The following ZNF672 variants were observed in gnomAD, a reference collection of about 807,000 sequenced individuals.
The protein encoded by ZNF672 is hypothetical protein FLJ22301.
For synonymous variants in ZNF672, 358 were observed against 305.6 expected, an observed-to-expected ratio of 1.17 and a Z score of -1.79; for missense variants, 733 against 701.1, an observed-to-expected ratio of 1.05 and a Z score of -0.51.
chr1:248,848,770 G>A lies in ZNF672; in HGVS notation c.*137G>A. On this transcript the variant is annotated 3_prime_UTR_variant, in exon 4 of 4. Coordinates refer to ENST00000306562, the MANE Select transcript of ZNF672 (RefSeq NM_024836.3). ...GCCTCCTACCTTTCCAGTTTCTGTTGGCAGCCCTTCACGTAGCCTCCTGCC... is the reference window on the plus strand; with the variant it reads ...GCCTCCTACCTTTCCAGTTTCTGTTAGCAGCCCTTCACGTAGCCTCCTGCC... The A allele has an allele frequency of 7.6e-7, 1 of 1,321,422 alleles. No individual in the cohort carries two copies. The highest frequency in any genetic ancestry group is 1.0e-6 in the Non-Finnish European group (1 of 964,930). 81.9% of individuals were successfully genotyped at this position (1,321,422 alleles called of 1,614,324 possible).
rs1664604629 is a variant in ZNF672 at position 248,838,225 on chromosome 1, G to T, written c.-801G>T. On this transcript the variant is annotated 5_prime_UTR_variant, in exon 1 of 4. Coordinates refer to ENST00000306562, the MANE Select transcript of ZNF672 (RefSeq NM_024836.3). ...GTCCCCCCGCAGGCTTTCTCTTTTA[G>T]CCCCGCCTGCTTCCCGGCTCCAGCT... The T allele has an allele frequency of 6.6e-6, 1 of 152,456 alleles. No individual in the cohort carries two copies. The highest frequency in any genetic ancestry group is 2.1e-4 in the South Asian group (1 of 4,834). The allele number at this position is 152,456 out of a possible 1,614,324, so 9.4% of individuals were successfully genotyped here.
intron 2 of ZNF672, among the ~76,000 whole-genome samples, chr1:248,845,304 C>T (rs56750895): frequency 2.0e-5 from 3 of 152,032 alleles, no homozygotes; most frequent in South Asian, 4.2e-4. Flanking sequence ...GTTTAAAAAT[C>T]ATACTAATCA....
In ZNF672 at chr1:248,848,534, C is replaced by T; in HGVS notation, c.1260C>T (p.Ala420=). The T allele has an allele frequency of 1.3e-6, 2 of 1,598,494 alleles. No homozygotes were observed. The highest frequency in any genetic ancestry group is 2.2e-5 in the South Asian group (2 of 89,936). ...AGCATCAGCGGGCCCACACGCGCGC[C>T]CGCACCGCTGCCGCCGTTGCCATCC... ...LSQHQRAHTR[A]RTAAAVAIQS... The change falls in exon 4 of 4, where the codon GCC becomes GCT. Residue 420 remains alanine (A), a synonymous_variant. Coordinates refer to ENST00000306562, the MANE Select transcript of ZNF672 (RefSeq NM_024836.3).
intron 1 of ZNF672, among the ~76,000 whole-genome samples, chr1:248,840,974 C>A (rs776443723): frequency 7.9e-5 from 12 of 151,238 alleles, no homozygotes; most frequent in Admixed American, 5.3e-4. Context: ...TGACTGTAGT[C>A]ATAGTATTTG....
chr1:248,845,285 G>A (rs1179904769), intron 2 of ZNF672, among the ~76,000 whole-genome samples: 1 of 151,978 alleles, frequency 6.6e-6, no homozygotes, highest in Admixed American at 6.6e-5. Context: ...GCTCCTGCTT[G>A]CATTTTTTGT....
Position 248,847,108 on chromosome 1 carries a change from G to A in ZNF672, c.-167G>A, listed in dbSNP as rs907724416. 4.5e-6 allele frequency: 4 copies of A among 886,782 alleles called. No homozygotes were observed. Among genetic ancestry groups the A allele is most frequent in the Non-Finnish European group, 5.0e-6 (3 of 597,162 alleles). The allele number at this position is 886,782 out of a possible 1,614,324, so 54.9% of individuals were successfully genotyped here. The stretch of plus-strand genomic sequence containing the variant: ...TCACCCTGGAACAGCCACAATGTCT[G>A]CCCCTTAGAGAAGAACCCTGAAATC... On this transcript the variant is annotated 5_prime_UTR_variant, in exon 4 of 4. Transcript: ENST00000306562.
At chr1:248,841,808 C>T (rs1664683299) in intron 1 of ZNF672, among the ~76,000 whole-genome samples, 1 of 152,048 alleles carries the variant, frequency 6.6e-6, no homozygotes, top group Non-Finnish European at 1.5e-5. Flanking sequence ...ATCCCAGCTG[C>T]TTGGGAGGCT....
chr1:248,839,878 A>G (rs1664642015), intron 1 of ZNF672, among the ~76,000 whole-genome samples: 1 of 149,428 alleles, frequency 6.7e-6, no homozygotes, highest in Non-Finnish European at 1.5e-5. Context: ...AGCTGAGACT[A>G]CAGACGGGCG....
chr1:248,840,660 G>GTA (rs1664660219), intron 1 of ZNF672, among the ~76,000 whole-genome samples: 1 of 152,064 alleles, frequency 6.6e-6, no homozygotes, highest in Admixed American at 6.5e-5. Flanking sequence ...CAGAGTACTT[G>GTA]TATATGCAGT....
In ZNF672 at chr1:248,847,176, GC is replaced by G; in HGVS notation, c.-96del. ...CTCCCCCTTTCCTCTCTGTTACAGTGCCCTTTCCAGGCCTTAAGAGAAGTAA... is the reference window on the plus strand; with the variant it reads ...CTCCCCCTTTCCTCTCTGTTACAGTGCCTTTCCAGGCCTTAAGAGAAGTAA... On this transcript the variant is annotated 5_prime_UTR_variant, in exon 4 of 4. The change abolishes the stop of an existing upstream ORF in the 5' untranslated region. Coordinates refer to ENST00000306562, the MANE Select transcript of ZNF672 (RefSeq NM_024836.3). 1 of 1,457,154 alleles carries G rather than the reference GC, an allele frequency of 6.9e-7. No individual in the cohort carries two copies. The highest frequency in any genetic ancestry group is 1.4e-5 in the South Asian group (1 of 73,012). The allele number at this position is 1,457,154 out of a possible 1,614,324, so 90.3% of individuals were successfully genotyped here. A position where few individuals can be genotyped will look rare whatever the true frequency, so the allele number is the denominator to read the frequency against.
At position 248,848,504 on chromosome 1, in the gene ZNF672, G is replaced by C. The variant is rs778273252; in HGVS notation, c.1230G>C (p.Leu410=). The C allele has an allele frequency of 1.2e-6, 2 of 1,603,808 alleles. No individual in the cohort carries two copies. Among genetic ancestry groups the C allele is most frequent in the Admixed American group, 1.7e-5 (1 of 59,036 alleles). The change falls in exon 4 of 4, where the codon CTG becomes CTC. Residue 410 remains leucine (L), a synonymous_variant. Coordinates refer to ENST00000306562, the MANE Select transcript of ZNF672 (RefSeq NM_024836.3). ...AGTGCTTCAGCCACAGCCGCTCGCT[G>C]TCACAGCATCAGCGGGCCCACACGC... is the stretch of plus-strand genomic sequence containing the variant. The part of the protein sequence containing the change: ...CGKCFSHSRS[L]SQHQRAHTRA...
Position 248,847,925 on chromosome 1 carries a change from C to T in ZNF672, c.651C>T (p.His217=). 4 of 1,579,256 alleles carry T rather than the reference C, an allele frequency of 2.5e-6. No individual in the cohort carries two copies. Among genetic ancestry groups the T allele is most frequent in the African/African-American group, 1.3e-5 (1 of 74,334 alleles). ...GCAAGAGCTCTACGCTGACGCGACA[C>T]CTGCAGACGCACTCGGGGGAGAAAC... ...CFGKSSTLTR[H]LQTHSGEKPF... The change falls in exon 4 of 4, where the codon CAC becomes CAT. Residue 217 remains histidine (H), a synonymous_variant. Transcript: ENST00000306562.
chr1:248,848,044 G>A lies in ZNF672; in HGVS notation c.770G>A (p.Cys257Tyr). 1 of 1,552,230 alleles carries A rather than the reference G, an allele frequency of 6.4e-7. No individual in the cohort carries two copies. ...CACACGGGCGAGAAGCCGTACGCATGTGGCGACTGTGGACGCTGCTTCAGC... is the reference window on the plus strand; with the variant it reads ...CACACGGGCGAGAAGCCGTACGCATATGGCGACTGTGGACGCTGCTTCAGC... ...RTHTGEKPYA[C>Y]GDCGRCFSES... Residue 257 changes from cysteine (C) to tyrosine (Y), a missense_variant, in exon 4 of 4, where the codon TGT (cysteine) becomes TAT (tyrosine). Cys to Tyr is a radical substitution (Grantham distance 194). Transcript: ENST00000306562.
rs775043449 is a variant in ZNF672, at chr1:248,847,541, G to C, written c.267G>C (p.Leu89Phe). The change falls in exon 4 of 4, where the codon TTG becomes TTC. Residue 89 changes from leucine to phenylalanine, a missense_variant. Physicochemically the swap from Leu to Phe is conservative, Grantham distance 22. Coordinates refer to ENST00000306562, the MANE Select transcript of ZNF672 (RefSeq NM_024836.3). ...ACAGCGGCCGTCTTGACCTACACTT[G>C]GGCGCACACCGGCAGCGATGCCGCA... is the stretch of plus-strand genomic sequence containing the variant. ...FRHSGRLDLH[L>F]GAHRQRCRTC... The C allele has an allele frequency of 8.8e-6, 14 of 1,592,698 alleles. No individual in the cohort carries two copies. Among genetic ancestry groups the C allele is most frequent in the Non-Finnish European group, 1.2e-5 (14 of 1,171,252 alleles).
chr1:248,841,886 G>A (rs779316033), intron 1 of ZNF672, among the ~76,000 whole-genome samples: 4 of 152,086 alleles, frequency 2.6e-5, no homozygotes, highest in Non-Finnish European at 5.9e-5. Context: ...CTGAGATGGC[G>A]CCACTGCACT....
chr1:248,841,085 A>G (rs1332212832), intron 1 of ZNF672, among the ~76,000 whole-genome samples: 2 of 151,814 alleles, frequency 1.3e-5, no homozygotes, highest in Non-Finnish European at 2.9e-5. Context: ...CTGTAGTCAG[A>G]GTACTTGTAT....
At position 248,847,605 on chromosome 1, in the gene ZNF672, C is replaced by T. The variant is rs756743690; in HGVS notation, c.331C>T (p.Leu111Phe). ...CRTCGRRFPH[L>F]PALLLHRRRQ... ...CACATGCGGCCGGCGCTTCCCGCAC[C>T]TCCCGGCGCTGCTGCTACACCGGCG... Residue 111 changes from leucine (L) to phenylalanine (F), a missense_variant, in exon 4 of 4, where the codon CTC becomes TTC. Physicochemically the swap from Leu to Phe is conservative, Grantham distance 22. Transcript: ENST00000306562. The T allele has an allele frequency of 4.6e-6, 7 of 1,536,004 alleles. No homozygotes were observed. The highest frequency in any genetic ancestry group is 2.4e-5 in the East Asian group (1 of 40,890).
At chr1:248,839,336 T>G (rs1192822146) in intron 1 of ZNF672, 1 of 152,270 alleles carries the variant, frequency 6.6e-6, no homozygotes, top group East Asian at 1.9e-4. Flanking sequence ...AGAGTCGCTC[T>G]TAAGAACTGC....
In ZNF672 at chr1:248,847,462, C is replaced by A; in HGVS notation, c.188C>A (p.Thr63Lys). 1.9e-6 allele frequency: 3 copies of A among 1,593,036 alleles called. No homozygotes were observed. The highest frequency in any genetic ancestry group is 2.6e-6 in the Non-Finnish European group (3 of 1,169,982). The change falls in exon 4 of 4, where the codon ACG (threonine) becomes AAG (lysine). Residue 63 changes from threonine to lysine, a missense_variant. Physicochemically the swap from Thr to Lys is moderately conservative, Grantham distance 78. Coordinates refer to ENST00000306562, the MANE Select transcript of ZNF672 (RefSeq NM_024836.3). ...GCTGACCTCCGAGCGCACAGGCGCACGCATGCTGGCCAGACCCTCTACATC... is the reference window on the plus strand; with the variant it reads ...GCTGACCTCCGAGCGCACAGGCGCAAGCATGCTGGCCAGACCCTCTACATC... ...RAADLRAHRR[T>K]HAGQTLYICS...
Sources: gnomAD v4.1 joint callset for allele counts (sites outside exome capture counted in the v4.1 genomes callset) on GRCh38, gnomAD v4.1.1 for gene constraint, MANE v1.5 for transcripts, NCBI Gene and HGNC (gene_info 2026-07-23, HGNC 2026-07-21) for gene names.